Variants in MACROD2 observed in about 807,000 individuals in gnomAD.
The protein encoded by MACROD2 is ADP-ribose glycohydrolase MACROD2.
A neutral mutation model predicts 70.4 loss-of-function variants in MACROD2; 36 were observed. The ratio of observed to expected loss-of-function variants is 0.51; its 90% CI spans 0.39 to 0.68. MACROD2 has a LOEUF of 0.68. MACROD2 is among the 30% of genes least tolerant of loss of function. The pLI is 0.00. For missense variants in MACROD2, 496 were observed against 538.4 expected, an observed-to-expected ratio of 0.92 and a Z score of 0.78; for synonymous variants, 172 against 178.8, an observed-to-expected ratio of 0.96 and a Z score of 0.30.
chr20:16,028,402 T>C (rs2147574367), intron 15 of MACROD2, among the ~76,000 whole-genome samples: 1 of 151,434 alleles, frequency 6.6e-6, no homozygotes, highest in South Asian at 2.1e-4. Context: ...TTTTTTTTGC[T>C]CTTCTTCCTA....
intron 4 of MACROD2, among the ~76,000 whole-genome samples, chr20:14,673,511 G>A (rs2070820560): frequency 6.6e-6 from 1 of 152,156 alleles, no homozygotes; most frequent in African/African-American, 2.4e-5. Flanking sequence ...GGCTCGCTTG[G>A]TGACATTGAC....
intron 8 of MACROD2, among the ~76,000 whole-genome samples, chr20:15,557,801 ATTTG>A (rs1277051747): frequency 6.6e-6 from 1 of 152,102 alleles, no homozygotes; most frequent in Non-Finnish European, 1.5e-5. Context: ...TCTCTGAGCT[ATTTG>A]TTTGTCTTAC....
intron 9 of MACROD2, among the ~76,000 whole-genome samples, chr20:15,870,121 A>G (rs1176887828): frequency 6.6e-6 from 1 of 152,048 alleles, no homozygotes; most frequent in Non-Finnish European, 1.5e-5. Flanking sequence ...CAAACATGTA[A>G]TAAATATTAT....
At chr20:14,192,108 T>C (rs1165976282) in intron 3 of MACROD2, among the ~76,000 whole-genome samples, 1 of 152,190 alleles carries the variant, frequency 6.6e-6, no homozygotes, top group Non-Finnish European at 1.5e-5. Context: ...ATTCTATAAA[T>C]GTTAGTGCCT....
intron 5 of MACROD2, among the ~76,000 whole-genome samples, chr20:15,124,410 A>C (rs916578502): frequency 6.6e-6 from 1 of 151,368 alleles, no homozygotes; most frequent in Non-Finnish European, 1.5e-5. Context: ...GATAGGAATA[A>C]AAGTCATTTG....
rs1246198839 is a variant in MACROD2, at chr20:15,906,060, G to T, written c.775+20249G>T. Among the ~76,000 whole-genome samples the T allele has an allele frequency of 3.9e-5, 6 of 152,186 alleles. No individual in the cohort carries two copies. In the South Asian group the frequency reaches 1.0e-3, roughly 26 times the overall value. ...TGGCTTCTAACAATCTTTGCTGCTGGCAGAAGGAAAGTAGATATGGGGTTT... is the reference window on the plus strand; with the variant it reads ...TGGCTTCTAACAATCTTTGCTGCTGTCAGAAGGAAAGTAGATATGGGGTTT... On this transcript the variant is annotated intron_variant, in intron 10 of 17. Transcript: ENST00000684519.
intron 4 of MACROD2, among the ~76,000 whole-genome samples, chr20:14,534,537 A>C (rs918875017): frequency 2.6e-5 from 4 of 152,218 alleles, no homozygotes; most frequent in Admixed American, 2.0e-4. Context: ...AATCTCGTTG[A>C]TCAAGAGTGT....
At chr20:14,097,022 C>G (rs1317491071) in intron 3 of MACROD2, among the ~76,000 whole-genome samples, 1 of 152,180 alleles carries the variant, frequency 6.6e-6, no homozygotes, top group African/African-American at 2.4e-5. Context: ...TTGCTGTTTT[C>G]TCTGTCTTCC....
chr20:15,068,155 A>G (rs1294291077), intron 5 of MACROD2, among the ~76,000 whole-genome samples: 3 of 152,120 alleles, frequency 2.0e-5, no homozygotes, highest in Non-Finnish European at 4.4e-5. Context: ...AATTTTCTTC[A>G]GTCTTCTGAT....
At chr20:14,250,717 A>G in intron 3 of MACROD2, among the ~76,000 whole-genome samples, 1 of 152,156 alleles carries the variant, frequency 6.6e-6, no homozygotes, top group East Asian at 1.9e-4. Flanking sequence ...TTATTTCCAT[A>G]GAGTCTCTAG....
rs1016211991 is a variant in MACROD2, at chr20:15,336,577, G to A, written c.541-94828G>A. On this transcript the variant is annotated intron_variant, in intron 6 of 17. Coordinates refer to ENST00000684519, the MANE Select transcript of MACROD2 (RefSeq NM_001351661.2). ...TTAGGTTGCTCTCTTCCTTTTCAATGTGTTTATGTATTTTTCTTCTTAGAA... is the reference window on the plus strand; with the variant it reads ...TTAGGTTGCTCTCTTCCTTTTCAATATGTTTATGTATTTTTCTTCTTAGAA... Among the ~76,000 whole-genome samples the A allele has an allele frequency of 5.9e-5, 9 of 151,432 alleles. 1 individual carries two copies. The highest frequency in any genetic ancestry group is 2.2e-4 in the African/African-American group (9 of 40,868).
chr20:15,445,370 C>CA (rs2146382329), intron 7 of MACROD2, among the ~76,000 whole-genome samples: 1 of 152,266 alleles, frequency 6.6e-6, no homozygotes, highest in Admixed American at 6.5e-5. Flanking sequence ...CTTGCTTAAG[C>CA]ACTTCCAAGC....
intron 6 of MACROD2, among the ~76,000 whole-genome samples, chr20:15,280,189 C>T (rs1444129806): frequency 6.6e-6 from 1 of 152,156 alleles, no homozygotes; most frequent in African/African-American, 2.4e-5. Flanking sequence ...AGGGAAATAA[C>T]AGCACAAATG....
chr20:14,148,279 G>A (rs1708889460), intron 3 of MACROD2, among the ~76,000 whole-genome samples: 1 of 152,150 alleles, frequency 6.6e-6, no homozygotes, highest in South Asian at 2.1e-4. Context: ...TATTCAGGAC[G>A]TATGTTTGGG....
chr20:15,234,748 C>T (rs574324114), intron 6 of MACROD2, among the ~76,000 whole-genome samples: 1 of 151,960 alleles, frequency 6.6e-6, no homozygotes, highest in South Asian at 2.1e-4. Flanking sequence ...GGTGAAATCT[C>T]GGGGTGAGCG....
At chr20:15,909,598 A>C (rs1204400256) in intron 10 of MACROD2, among the ~76,000 whole-genome samples, 1 of 129,140 alleles carries the variant, frequency 7.7e-6, no homozygotes, top group Non-Finnish European at 1.5e-5. Flanking sequence ...ATCTCGGCTC[A>C]CTGCAAGCTC....
chr20:15,253,729 C>T (rs1025881142), intron 6 of MACROD2, among the ~76,000 whole-genome samples: 15 of 152,174 alleles, frequency 9.9e-5, no homozygotes, highest in African/African-American at 3.4e-4. Flanking sequence ...CCTTTATATG[C>T]TGAAGGTCAC....
chr20:15,504,032 ACT>A lies in MACROD2; in HGVS notation c.645+4190_645+4191del, dbSNP rs200127867. ...AGCTTTTACATTTCACCATTAACTT[ACT>A]CTCTGATTTCTAAACCATCAGGAAT... is the stretch of plus-strand genomic sequence containing the variant. On this transcript the variant is annotated intron_variant, in intron 8 of 17. Transcript: ENST00000684519. Among the ~76,000 whole-genome samples the A allele has an allele frequency of 2.6e-5, 4 of 151,876 alleles. No homozygotes were observed. In the East Asian group the frequency reaches 7.7e-4, roughly 29 times the overall value.
chr20:14,192,777 G>A (rs929494718), intron 3 of MACROD2, among the ~76,000 whole-genome samples: 6 of 152,170 alleles, frequency 3.9e-5, no homozygotes, highest in Admixed American at 3.3e-4. Context: ...GGGGGATTGA[G>A]GTAGATTTGG....
Sources: gnomAD v4.1 joint callset for allele counts (sites outside exome capture counted in the v4.1 genomes callset) on GRCh38, gnomAD v4.1.1 for gene constraint, MANE v1.5 for transcripts, NCBI Gene and HGNC (gene_info 2026-07-23, HGNC 2026-07-21) for gene names.